KLF8: variants seen among roughly 807,000 people sequenced by gnomAD.
The protein encoded by KLF8 is Krueppel-like factor 8.
KLF8 carries 10 observed loss-of-function variants against 18.2 expected under a neutral mutation model. The ratio of observed to expected loss-of-function variants is 0.55; its 90% CI spans 0.34 to 0.93. The LOEUF (loss-of-function observed/expected upper bound fraction) is 0.93, where lower values mean the gene tolerates loss of function less well. Among genes scored for constraint, KLF8 ranks in the 40% least tolerant of loss-of-function variants. The pLI, the probability that KLF8 is intolerant of heterozygous loss-of-function variation, is 0.02. For missense variants in KLF8, 264 were observed against 277.9 expected, an observed-to-expected ratio of 0.95 and a Z score of 0.36; for synonymous variants, 109 against 97.3, an observed-to-expected ratio of 1.12 and a Z score of -0.71.
At chrX:55,923,419 T>C in the KLF8 span, among the ~76,000 whole-genome samples, 2 of 110,592 alleles carry the variant, frequency 1.8e-5, no homozygotes, top group Non-Finnish European at 1.9e-5. Context: ...GGATGGTCTG[T>C]GCAGCAAGCC....
At chrX:55,915,683 G>A in the KLF8 span, among the ~76,000 whole-genome samples, 1 of 111,977 alleles carries the variant, frequency 8.9e-6, no homozygotes, top group African/African-American at 3.2e-5. Flanking sequence ...AACTTGAAAT[G>A]TGTGGCATCA....
chrX:56,182,591 C>A, the KLF8 span, among the ~76,000 whole-genome samples: 1 of 112,338 alleles, frequency 8.9e-6, no homozygotes, highest in Non-Finnish European at 1.9e-5. Context: ...TTCTCCCCAT[C>A]TTTGTGGTTT....
chrX:56,155,041 G>A, the KLF8 span, among the ~76,000 whole-genome samples: 8 of 112,137 alleles, frequency 7.1e-5, no homozygotes, highest in Non-Finnish European at 1.5e-4. Flanking sequence ...GTGGAAGTCA[G>A]TGTGGGGATT....
At chrX:55,961,760 T>C in the KLF8 span, 1 of 333,653 alleles carries the variant, frequency 3.0e-6, no homozygotes, top group Non-Finnish European at 5.7e-6. Flanking sequence ...GACTTGGTGT[T>C]TGACTTCACA....
chrX:56,212,965 G>T, the KLF8 span, among the ~76,000 whole-genome samples: 1 of 111,975 alleles, frequency 8.9e-6, no homozygotes, highest in Admixed American at 9.4e-5. Context: ...TATTAGATTG[G>T]TAAAGGATAT....
the KLF8 span, among the ~76,000 whole-genome samples, chrX:56,108,460 T>G: frequency 8.9e-6 from 1 of 112,148 alleles, no homozygotes; most frequent in South Asian, 3.7e-4. Flanking sequence ...CTGAGAAGAT[T>G]ATGTTATCTT....
the KLF8 span, among the ~76,000 whole-genome samples, chrX:56,062,896 G>A: frequency 3.6e-5 from 4 of 110,299 alleles, no homozygotes; most frequent in African/African-American, 1.3e-4. Flanking sequence ...TTGTCTTCAT[G>A]TTTTATTTCA....
chrX:56,063,690 G>A, the KLF8 span, among the ~76,000 whole-genome samples: 1 of 111,532 alleles, frequency 9.0e-6, no homozygotes, highest in Non-Finnish European at 1.9e-5. Flanking sequence ...GCTGTGCTGG[G>A]AGATCCCCTG....
chrX:56,207,322 AT>A, the KLF8 span, among the ~76,000 whole-genome samples: 1 of 112,183 alleles, frequency 8.9e-6, no homozygotes, highest in Non-Finnish European at 1.9e-5. Context: ...TTTTTATTGC[AT>A]CATCAGGCTG....
At chrX:55,977,078 T>A in the KLF8 span, among the ~76,000 whole-genome samples, 4 of 112,286 alleles carry the variant, frequency 3.6e-5, no homozygotes, top group Non-Finnish European at 7.5e-5. Flanking sequence ...ACAATTCTAC[T>A]TTTTACTTTA....
chrX:56,137,776 A>T, the KLF8 span, among the ~76,000 whole-genome samples: 1 of 101,358 alleles, frequency 9.9e-6, no homozygotes, highest in African/African-American at 4.3e-5. Context: ...AGAAACAAAG[A>T]AACAAAAAAA....
chrX:56,138,333 T>C, the KLF8 span, among the ~76,000 whole-genome samples: 1 of 111,460 alleles, frequency 9.0e-6, no homozygotes, highest in Non-Finnish European at 1.9e-5. Context: ...AGCATCATTC[T>C]GATACCAAAA....
At chrX:56,215,184 G>T in the KLF8 span, among the ~76,000 whole-genome samples, 1 of 111,563 alleles carries the variant, frequency 9.0e-6, no homozygotes, top group Non-Finnish European at 1.9e-5. Context: ...TGCCCTTGTT[G>T]TTATTAAGGG....
the KLF8 span, among the ~76,000 whole-genome samples, chrX:56,213,691 A>C: frequency 9.0e-6 from 1 of 111,171 alleles, no homozygotes; most frequent in East Asian, 2.8e-4. Flanking sequence ...CTTAGTAGTT[A>C]ATATTAAGAC....
chrX:56,207,734 C>A, the KLF8 span, among the ~76,000 whole-genome samples: 3 of 110,491 alleles, frequency 2.7e-5, no homozygotes, highest in Non-Finnish European at 5.7e-5. Context: ...TTCCTCCAAG[C>A]TGTTGCCACC....
At chrX:56,209,967 A>G in the KLF8 span, among the ~76,000 whole-genome samples, 1 of 112,157 alleles carries the variant, frequency 8.9e-6, no homozygotes, top group South Asian at 3.7e-4. Context: ...TTAATTTTTT[A>G]TAGTTTCTAT....
At chrX:56,246,014 C>A (rs907917001) in intron 1 of KLF8, among the ~76,000 whole-genome samples, 3 of 112,008 alleles carry the variant, frequency 2.7e-5, no homozygotes, top group African/African-American at 9.7e-5. Context: ...TCCTTATAGT[C>A]ATTCCTACCA....
chrX:56,000,809 T>C, the KLF8 span, among the ~76,000 whole-genome samples: 11 of 111,942 alleles, frequency 9.8e-5, no homozygotes, highest in Non-Finnish European at 1.7e-4. Flanking sequence ...TACTTTTTTT[T>C]TGTATTGTTC....
intron 5 of KLF8, among the ~76,000 whole-genome samples, chrX:56,280,238 CT>C (rs1260282999): frequency 9.0e-6 from 1 of 110,748 alleles, no homozygotes; most frequent in East Asian, 2.8e-4. Context: ...TTACCATTAT[CT>C]TTTTTTTTCC....
Sources: gnomAD v4.1 joint callset for allele counts (sites outside exome capture counted in the v4.1 genomes callset) on GRCh38, gnomAD v4.1.1 for gene constraint, MANE v1.5 for transcripts, NCBI Gene and HGNC (gene_info 2026-07-23, HGNC 2026-07-21) for gene names.